Variants in CMTM4 observed in about 807,000 individuals in gnomAD.
CMTM4 encodes the protein CKLF like MARVEL transmembrane domain containing 4, also known as CKLF-like MARVEL transmembrane domain-containing protein 4.
A neutral mutation model predicts 19.0 loss-of-function variants in CMTM4; 8 were observed. The ratio of observed to expected loss-of-function variants is 0.42; its 90% confidence interval spans 0.25 to 0.76. The LOEUF (loss-of-function observed/expected upper bound fraction) is 0.76, where lower values mean the gene tolerates loss of function less well. CMTM4 is among the 30% of genes least tolerant of loss of function. CMTM4 has a pLI of 0.27. For missense variants in CMTM4, 228 were observed against 290.2 expected (o/e 0.79, Z 1.56); for synonymous variants, 106 against 121.1 (o/e 0.88, Z 0.82).
At position 66,696,385 on chromosome 16, in the gene CMTM4, G is replaced by C; in HGVS notation, c.141C>G (p.Pro47=). Residue 47 remains proline (P), a synonymous_variant, in exon 1 of 4, where the codon CCC becomes CCG. Coordinates refer to ENST00000394106, the MANE Select transcript of CMTM4 (RefSeq NM_181521.3). The surrounding 1 kb of genome is among the most constrained non-coding windows in gnomAD (Gnocchi z 4.3). ...GGCCGAGCGCGCCGCGCAGGTAGTC[G>C]GGGTCGCAGCGCAGGCCGGCCAGCC... ...RRGLAGLRCD[P]DYLRGALGRL... 1.4e-6 allele frequency: 2 copies of C among 1,426,458 alleles called. No individual in the cohort carries two copies. Among genetic ancestry groups the C allele is most frequent in the South Asian group, 1.4e-5 (1 of 73,210 alleles). 88.4% of individuals were successfully genotyped at this position (1,426,458 alleles called of 1,614,324 possible).
chr16:66,661,880 C>G (rs994580650), intron 1 of CMTM4, among the ~76,000 whole-genome samples: 1 of 152,164 alleles, frequency 6.6e-6, no homozygotes, highest in African/African-American at 2.4e-5. Flanking sequence ...CTGCAGTGAG[C>G]TGAGATCGCA....
chr16:66,605,853 G>C, the CMTM4 span, among the ~76,000 whole-genome samples: 3 of 152,168 alleles, frequency 2.0e-5, no homozygotes, highest in Non-Finnish European at 4.4e-5. This position sits in a 1 kb window ranked among gnomAD's most constrained non-coding sequence, Gnocchi z 4.6. Context: ...GCAGAGGGCA[G>C]AAGGTGGTCC....
chr16:66,681,177 G>A (rs1596960030), intron 1 of CMTM4, among the ~76,000 whole-genome samples: 1 of 151,956 alleles, frequency 6.6e-6, no homozygotes, highest in African/African-American at 2.4e-5. Context: ...ATCACTTGAG[G>A]CCAGGAGTTC....
chr16:66,683,623 A>G (rs190746660), intron 1 of CMTM4, among the ~76,000 whole-genome samples: 177 of 151,848 alleles, frequency 1.2e-3, no homozygotes, highest in African/African-American at 4.1e-3. Context: ...TCAACTGTCT[A>G]TTCAACACCT....
At position 66,618,124 on chromosome 16, in the gene CMTM4, G is replaced by C. The variant is rs2015559433; in HGVS notation, c.*3934C>G. ...AAACCTGGAAAAAACCCTGGATTCT[G>C]CAACTTCACTAGGAAATAACAAGGC... On this transcript the variant is annotated 3_prime_UTR_variant, in exon 4 of 4. Transcript: ENST00000394106. 1.0e-6 allele frequency: 1 copy of C among 985,336 alleles called. No individual in the cohort carries two copies. Among genetic ancestry groups the C allele is most frequent in the Admixed American group, 6.1e-5 (1 of 16,268 alleles). 61.0% of individuals were successfully genotyped at this position (985,336 alleles called of 1,614,324 possible). A position where few individuals can be genotyped will look rare whatever the true frequency, so the allele number is the denominator to read the frequency against.
chr16:66,683,180 T>TATATATATATATACATATATATAC (rs1491498902), intron 1 of CMTM4, among the ~76,000 whole-genome samples: 1 of 85,672 alleles, frequency 1.2e-5, no homozygotes, highest in African/African-American at 3.9e-5. Flanking sequence ...TATATACATA[T>TATATATATATATACATATATATAC]GTATATATAT....
intron 1 of CMTM4, among the ~76,000 whole-genome samples, chr16:66,650,017 G>A (rs1188061805): frequency 6.6e-6 from 1 of 152,128 alleles, no homozygotes; most frequent in Admixed American, 6.6e-5. Flanking sequence ...TGCGTGGCTC[G>A]GTGCCCAGGG....
intron 1 of CMTM4, among the ~76,000 whole-genome samples, chr16:66,679,667 T>C (rs1220975854): frequency 6.6e-6 from 1 of 151,550 alleles, no homozygotes; most frequent in African/African-American, 2.4e-5. Flanking sequence ...CTACTAAAAA[T>C]ATAAAAATCA....
chr16:66,696,042 A>C lies in CMTM4; in HGVS notation c.186+298T>G, dbSNP rs1237907232. On this transcript the variant is annotated intron_variant, in intron 1 of 3. Coordinates refer to ENST00000394106, the MANE Select transcript of CMTM4 (RefSeq NM_181521.3). This position sits in a 1 kb window ranked among gnomAD's most constrained non-coding sequence, Gnocchi z 4.3. ...CAGGATTCCCAGCAGCACCCAGCCC[A>C]GTAACGCCACAGACTCCCGGGAGCG... Among the ~76,000 whole-genome samples, 2 of 152,198 alleles carry C rather than the reference A, an allele frequency of 1.3e-5. No individual in the cohort carries two copies. Among genetic ancestry groups the C allele is most frequent in the Non-Finnish European group, 2.9e-5 (2 of 68,024 alleles).
Position 66,620,940 on chromosome 16 carries a change from TC to T in CMTM4, c.*1117del, listed in dbSNP as rs764454671. On this transcript the variant is annotated 3_prime_UTR_variant, in exon 4 of 4. Transcript: ENST00000394106. ...AGAAACCTTAAGTAGCTAGGATTTTTCCCCCCAACAACTCCCAAGAATGATG... is the reference window on the plus strand; with the variant it reads ...AGAAACCTTAAGTAGCTAGGATTTTTCCCCCAACAACTCCCAAGAATGATG... 12 of 985,658 alleles carry T rather than the reference TC, an allele frequency of 1.2e-5. No homozygotes were observed. The highest frequency in any genetic ancestry group is 1.4e-5 in the Non-Finnish European group (12 of 829,934). 61.1% of individuals were successfully genotyped at this position (985,658 alleles called of 1,614,324 possible).
intron 1 of CMTM4, among the ~76,000 whole-genome samples, chr16:66,670,935 C>T (rs953787184): frequency 6.6e-6 from 1 of 152,094 alleles, no homozygotes; most frequent in African/African-American, 2.4e-5. Flanking sequence ...CAATGTAGAC[C>T]TAACTGTTAA....
chr16:66,617,258 A>C lies in CMTM4; in HGVS notation c.*4800T>G, dbSNP rs2144770577. The C allele has an allele frequency of 6.2e-7, 1 of 1,611,778 alleles. No individual in the cohort carries two copies. The highest frequency in any genetic ancestry group is 1.1e-5 in the South Asian group (1 of 90,840). Reference sequence around the variant, plus strand: ...TATGAAATAGATACACAGTTCAAGGACCCATCATCTGAACTTTTCTAGGCA... The same window carrying C: ...TATGAAATAGATACACAGTTCAAGGCCCCATCATCTGAACTTTTCTAGGCA... On this transcript the variant is annotated 3_prime_UTR_variant, in exon 4 of 4. Coordinates refer to ENST00000394106, the MANE Select transcript of CMTM4 (RefSeq NM_181521.3).
At chr16:66,658,562 G>A (rs1024507911) in intron 1 of CMTM4, among the ~76,000 whole-genome samples, 4 of 151,988 alleles carry the variant, frequency 2.6e-5, no homozygotes, top group African/African-American at 9.7e-5. Context: ...GGTTCATCCA[G>A]GGATCCTTTC....
chr16:66,649,234 G>T (rs1206987056), intron 1 of CMTM4, among the ~76,000 whole-genome samples: 7 of 152,058 alleles, frequency 4.6e-5, no homozygotes, highest in African/African-American at 1.7e-4. Context: ...AAAAGAAAAA[G>T]TTCCTGAGGT....
chr16:66,630,271 AAC>A (rs2015823394), intron 2 of CMTM4, among the ~76,000 whole-genome samples: 1 of 148,802 alleles, frequency 6.7e-6, no homozygotes, highest in South Asian at 2.2e-4. Flanking sequence ...GAAAAAAAAA[AAC>A]ACAAGACTTT....
At chr16:66,674,895 C>A (rs1207970504) in intron 1 of CMTM4, among the ~76,000 whole-genome samples, 1 of 151,154 alleles carries the variant, frequency 6.6e-6, no homozygotes, top group Non-Finnish European at 1.5e-5. Context: ...GTGCCTGCCA[C>A]CACACCCAGC....
At chr16:66,692,511 C>T (rs1159760528) in intron 1 of CMTM4, among the ~76,000 whole-genome samples, 1 of 152,208 alleles carries the variant, frequency 6.6e-6, no homozygotes, top group African/African-American at 2.4e-5. Flanking sequence ...ACTGATTCTG[C>T]ATTTCTAACA....
intron 1 of CMTM4, among the ~76,000 whole-genome samples, chr16:66,666,431 C>T (rs1434872013): frequency 3.3e-5 from 5 of 151,696 alleles, no homozygotes; most frequent in South Asian, 2.1e-4. Context: ...CCAGCCTGGG[C>T]GACAGAGCAA....
At chr16:66,604,825 A>AC in the CMTM4 span, 4 of 1,309,404 alleles carry the variant, frequency 3.1e-6, no homozygotes, top group African/African-American at 6.2e-5. Context: ...CCAGACCCCG[A>AC]CCCCGACCCG....
Sources: allele counts gnomAD v4.1 joint callset (sites outside exome capture counted in the v4.1 genomes callset), GRCh38; gene constraint gnomAD v4.1.1; non-coding constraint Gnocchi (gnomAD v3.1); transcripts MANE v1.5; gene names NCBI Gene and HGNC (gene_info 2026-07-23, HGNC 2026-07-21).